The following EXT1 variants were observed in gnomAD, a reference collection of about 807,000 sequenced individuals.
The protein encoded by EXT1 is exostosin-1.
EXT1 carries 20 observed loss-of-function variants against 82.5 expected under a neutral mutation model. The observed-to-expected ratio is 0.24, with a 90% CI of 0.17 to 0.35. The LOEUF (loss-of-function observed/expected upper bound fraction) is 0.35. Among genes scored for constraint, EXT1 ranks in the 10% least tolerant of loss-of-function variants. The pLI is 1.00. For synonymous variants in EXT1, 348 were observed against 350.8 expected (o/e 0.99, Z 0.09); for missense variants, 757 against 936.5 (o/e 0.81, Z 2.50).
At chr8:117,862,223 G>A (rs117832874) in intron 1 of EXT1, among the ~76,000 whole-genome samples, 1 of 145,460 alleles carries the variant, frequency 6.9e-6, no homozygotes, top group Non-Finnish European at 1.5e-5. Context: ...ATGCAGCCAC[G>A]CAATTCAACC....
intron 1 of EXT1, among the ~76,000 whole-genome samples, chr8:118,081,527 C>A (rs1159427073): frequency 1.3e-5 from 2 of 152,126 alleles, no homozygotes; most frequent in Non-Finnish European, 2.9e-5. Context: ...GGGGGTCTTA[C>A]CTTTCATAAA....
chr8:117,832,938 T>C (rs1471962641), intron 3 of EXT1, among the ~76,000 whole-genome samples: 2 of 152,218 alleles, frequency 1.3e-5, no homozygotes, highest in Non-Finnish European at 2.9e-5. Context: ...AAAGGTCATG[T>C]ATGGTAGCAA....
chr8:117,810,048 G>T (rs978965437), intron 8 of EXT1, among the ~76,000 whole-genome samples: 1 of 152,194 alleles, frequency 6.6e-6, no homozygotes, highest in Non-Finnish European at 1.5e-5. Flanking sequence ...TGATTCTTGT[G>T]ATAGCTCTAA....
At chr8:118,060,987 G>A (rs1816872406) in intron 1 of EXT1, among the ~76,000 whole-genome samples, 1 of 152,214 alleles carries the variant, frequency 6.6e-6, no homozygotes, top group African/African-American at 2.4e-5. Context: ...GTTCTCAAGT[G>A]AAAGGGATTT....
At position 118,111,663 on chromosome 8, in the gene EXT1, G is replaced by T. The variant is rs1363737093; in HGVS notation, c.-617C>A. The T allele has an allele frequency of 2.7e-6, 1 of 365,776 alleles. No homozygotes were observed. Among genetic ancestry groups the T allele is most frequent in the Non-Finnish European group, 4.9e-6 (1 of 205,522 alleles). The allele number at this position is 365,776 out of a possible 1,614,324, so 22.7% of individuals were successfully genotyped here. On this transcript the variant is annotated 5_prime_UTR_variant, in exon 1 of 11. Coordinates refer to ENST00000378204, the MANE Select transcript of EXT1 (RefSeq NM_000127.3). ...GCGGTGTTTACTCCTGCGCTCGCGGGGCCGGCCCCCGGGACGCGCGGCGGC... is the reference window on the plus strand; with the variant it reads ...GCGGTGTTTACTCCTGCGCTCGCGGTGCCGGCCCCCGGGACGCGCGGCGGC...
rs1812047667 is a variant in EXT1 at position 117,828,700 on chromosome 8, A to G, written c.1284+1530T>C. The stretch of plus-strand genomic sequence containing the variant: ...TTGAGGAGATTGCTTTTGGAGGGAT[A>G]AAAGTTTGCTTGCAGGAAGGAAGCC... On this transcript the variant is annotated intron_variant, in intron 4 of 10. Coordinates refer to ENST00000378204, the MANE Select transcript of EXT1 (RefSeq NM_000127.3). Among the ~76,000 whole-genome samples the G allele has an allele frequency of 2.0e-5, 3 of 152,194 alleles. No homozygotes were observed. In the South Asian group the frequency reaches 6.2e-4, roughly 31 times the overall value.
chr8:118,105,111 T>C (rs1399062324), intron 1 of EXT1, among the ~76,000 whole-genome samples: 1 of 152,130 alleles, frequency 6.6e-6, no homozygotes, highest in Non-Finnish European at 1.5e-5. Context: ...GAAGACACCT[T>C]CAAGATGGTT....
At chr8:117,856,421 AATT>A (rs1287656589) in intron 1 of EXT1, among the ~76,000 whole-genome samples, 1,215 of 119,936 alleles carry the variant, frequency 0.01, 28 homozygotes, top group African/African-American at 0.042. Context: ...CGCCTGGCTA[AATT>A]TTTTTTTTTT....
At chr8:117,808,845 C>T (rs1443167112) in intron 8 of EXT1, among the ~76,000 whole-genome samples, 1 of 152,122 alleles carries the variant, frequency 6.6e-6, no homozygotes, top group Non-Finnish European at 1.5e-5. Context: ...TTCAGTAAAG[C>T]AGACTGCCCT....
At chr8:117,927,908 T>C (rs1813982009) in intron 1 of EXT1, among the ~76,000 whole-genome samples, 1 of 152,230 alleles carries the variant, frequency 6.6e-6, no homozygotes, top group Non-Finnish European at 1.5e-5. Context: ...GGCTAAAACC[T>C]GCAAACCTTA....
intron 7 of EXT1, among the ~76,000 whole-genome samples, chr8:117,815,770 A>C (rs1211334209): frequency 6.6e-6 from 1 of 152,074 alleles, no homozygotes; most frequent in African/African-American, 2.4e-5. Flanking sequence ...CTCTCTACTA[A>C]AAACACAAAA....
chr8:117,827,502 T>C (rs1812025777), intron 4 of EXT1, among the ~76,000 whole-genome samples: 1 of 151,970 alleles, frequency 6.6e-6, no homozygotes, highest in Non-Finnish European at 1.5e-5. Context: ...AAAAACGTCA[T>C]GAGAAAACAC....
In EXT1 at chr8:118,075,973, T is replaced by G. The variant is rs146956573; in HGVS notation, c.962+34112A>C. ...CAACATGAGATTTAAGGGGGACAAA[T>G]ATCCAAACTATATCATATGATAAAG... On this transcript the variant is annotated intron_variant, in intron 1 of 10. Coordinates refer to ENST00000378204, the MANE Select transcript of EXT1 (RefSeq NM_000127.3). Among the ~76,000 whole-genome samples the G allele has an allele frequency of 1.5e-3, 223 of 152,190 alleles. 4 individuals carry two copies. Among genetic ancestry groups the G allele is most frequent in the Non-Finnish European group, 1.9e-4 (13 of 67,994 alleles).
In EXT1 at chr8:117,917,199, C is replaced by A. The variant is rs959192207; in HGVS notation, c.963-79998G>T. Among the ~76,000 whole-genome samples, 3 of 152,194 alleles carry A rather than the reference C, an allele frequency of 2.0e-5. No homozygotes were observed. The South Asian group carries it at 6.2e-4, about 32-fold the overall frequency. On this transcript the variant is annotated intron_variant, in intron 1 of 10. Coordinates refer to ENST00000378204, the MANE Select transcript of EXT1 (RefSeq NM_000127.3). The stretch of plus-strand genomic sequence containing the variant: ...TTAAAAAACCTTCATCCTGGCTGGG[C>A]GCTGTGGCTCACACCTGTAATCTTG...
chr8:118,009,697 T>C (rs7840905), intron 1 of EXT1, among the ~76,000 whole-genome samples: 4,166 of 152,122 alleles, frequency 0.027, 181 homozygotes, highest in African/African-American at 0.095. Context: ...CATAGGAGAG[T>C]GAACCCTATT....
Position 118,110,246 on chromosome 8 carries a change from C to T in EXT1, c.801G>A (p.Lys267=). ...CTATCCCTGTCAGGTACCTCTTCCC[C>T]TTGAATACCAGCATGTACTTCCTGA... is the stretch of plus-strand genomic sequence containing the variant. The part of the protein sequence containing the change: ...PPLRKYMLVF[K]GKRYLTGIGS... Residue 267 remains lysine, a synonymous_variant, in exon 1 of 11, where the codon AAG becomes AAA. Transcript: ENST00000378204. The T allele has an allele frequency of 6.2e-7, 1 of 1,614,222 alleles. No individual in the cohort carries two copies. The highest frequency in any genetic ancestry group is 1.1e-5 in the South Asian group (1 of 91,082).
At chr8:117,804,973 C>A (rs1823216574) in intron 9 of EXT1, 80 bp from the exon 10 acceptor site, 1 of 1,347,300 alleles carries the variant, frequency 7.4e-7, no homozygotes, top group South Asian at 1.2e-5. Context: ...AAAACACATA[C>A]CCATTCTTTG....
In EXT1 at chr8:118,004,222, A is replaced by C. The variant is rs17431249; in HGVS notation, c.962+105863T>G. Reference sequence around the variant, plus strand: ...CCTCCTCAACTAGAATGTCAATTCCAAGAAGAGAGGGATTCACGTGGCCAT... The same window carrying C: ...CCTCCTCAACTAGAATGTCAATTCCCAGAAGAGAGGGATTCACGTGGCCAT... On this transcript the variant is annotated intron_variant, in intron 1 of 10. Transcript: ENST00000378204. Among the ~76,000 whole-genome samples the C allele has an allele frequency of 3.5e-3, 529 of 152,366 alleles. 1 individual carries two copies. The highest frequency in any genetic ancestry group is 8.5e-3 in the South Asian group (41 of 4,832).
intron 1 of EXT1, among the ~76,000 whole-genome samples, chr8:118,102,234 T>C (rs112017389): frequency 0.019 from 2,825 of 151,872 alleles, 70 homozygotes; most frequent in African/African-American, 0.064. Flanking sequence ...GCCACTGCAC[T>C]CCAGCCTGGG....
Sources: allele counts gnomAD v4.1 joint callset (sites outside exome capture counted in the v4.1 genomes callset), GRCh38; gene constraint gnomAD v4.1.1; transcripts MANE v1.5; gene names NCBI Gene and HGNC (gene_info 2026-07-23, HGNC 2026-07-21).